The following OSBPL3 variants were observed in gnomAD, a reference collection of about 807,000 sequenced individuals.
OSBPL3 encodes the protein oxysterol binding protein like 3, also known as oxysterol-binding protein-related protein 3.
In OSBPL3, 65 loss-of-function variants were observed where a neutral mutation model predicts 120.1. The ratio of observed to expected loss-of-function variants is 0.54; its 90% CI spans 0.44 to 0.67. OSBPL3 has a LOEUF of 0.67. OSBPL3 is among the 30% of genes least tolerant of loss of function. The probability of loss-of-function intolerance (pLI) is 0.00; values close to 1 mark genes in which losing one functional copy is unlikely to be tolerated. For synonymous variants in OSBPL3, 416 were observed against 402.6 expected, an observed-to-expected ratio of 1.03 and a Z score of -0.40; for missense variants, 1,004 against 1,082.1, an observed-to-expected ratio of 0.93 and a Z score of 1.01.
At position 24,845,384 on chromosome 7, in the gene OSBPL3, T is replaced by TAAAAAAA. The variant is rs34559902; in HGVS notation, c.1267-2978_1267-2972dup. 1.9e-3 allele frequency among the ~76,000 whole-genome samples: 120 copies of TAAAAAAA among 62,268 alleles called. 1 individual carries two copies. The highest frequency in any genetic ancestry group is 0.025 in the Middle Eastern group (1 of 40). The allele number at this position is 62,268 out of a possible 152,430, so 40.9% of individuals were successfully genotyped here. A position where few individuals can be genotyped will look rare whatever the true frequency, so the allele number is the denominator to read the frequency against. ...GAATTTACAAATATTGCAAAATAAG[T>TAAAAAAA]AAAAAAAAAAAAAAAAAAAAAAAAA... On this transcript the variant is annotated intron_variant, in intron 12 of 22. Transcript: ENST00000313367.
In OSBPL3 at chr7:24,892,454, T is replaced by C; in HGVS notation, c.19A>G (p.Asn7Asp). The change falls in exon 2 of 23, where the codon AAC becomes GAC. Residue 7 changes from asparagine to aspartate, a missense_variant. By Grantham distance (23) the Asn-to-Asp change is conservative (BLOSUM62 1). This residue lies in a region of OSBPL3 where 255 missense variants were observed against 248.7 expected (regional missense o/e 1.03). Transcript: ENST00000313367. MMSDEK[N>D]LGVSQKLVSP... ...ACCAATTTTTGGGACACACCAAGGT[T>C]CTTCTCATCACTCATCATGGACAGC... 6.2e-7 allele frequency: 1 copy of C among 1,613,540 alleles called. No individual in the cohort carries two copies.
At position 24,965,105 on chromosome 7, in the gene OSBPL3, A is replaced by G. The variant is rs186218334; in HGVS notation, c.-150+14781T>C. Among the ~76,000 whole-genome samples, 336 of 152,368 alleles carry G rather than the reference A, an allele frequency of 2.2e-3. 1 individual carries two copies. The highest frequency in any genetic ancestry group is 7.5e-3 in the African/African-American group (314 of 41,590). On this transcript the variant is annotated intron_variant, in intron 1 of 22. Transcript: ENST00000313367. This position sits in a 1 kb window ranked among gnomAD's most constrained non-coding sequence, Gnocchi z 4.3. ...AAACCATTCATTCATTTATTCAACA[A>G]TAAGTATGTGCTCTGTATTATGTCT...
chr7:24,950,224 G>A (rs911166755), intron 1 of OSBPL3, among the ~76,000 whole-genome samples: 5 of 152,098 alleles, frequency 3.3e-5, no homozygotes, highest in African/African-American at 7.2e-5. Context: ...ATCCATCCAC[G>A]TTGACATGTG....
intron 1 of OSBPL3, among the ~76,000 whole-genome samples, chr7:24,958,913 G>A (rs1398402482): frequency 1.3e-5 from 2 of 152,082 alleles, no homozygotes; most frequent in African/African-American, 2.4e-5. Flanking sequence ...TTTTCTCTAA[G>A]TTTTTTGTTT....
At chr7:24,893,692 A>G (rs912484949) in intron 1 of OSBPL3, among the ~76,000 whole-genome samples, 2 of 137,210 alleles carry the variant, frequency 1.5e-5, no homozygotes, top group African/African-American at 5.4e-5. Flanking sequence ...GGTGCCTGTA[A>G]TCCCAGCTAC....
rs2128521931 is a variant in OSBPL3, at chr7:24,964,151, C to G, written c.-150+15735G>C. ...AACAAATGGAGAAGAAGAAACAAATCCGACTCACAGAAGAATGTCAAATAA... is the reference window on the plus strand; with the variant it reads ...AACAAATGGAGAAGAAGAAACAAATGCGACTCACAGAAGAATGTCAAATAA... On this transcript the variant is annotated intron_variant, in intron 1 of 22. Coordinates refer to ENST00000313367, the MANE Select transcript of OSBPL3 (RefSeq NM_015550.4). This position sits in a 1 kb window ranked among gnomAD's most constrained non-coding sequence, Gnocchi z 4.2. Among the ~76,000 whole-genome samples the G allele has an allele frequency of 6.6e-6, 1 of 152,206 alleles. No individual in the cohort carries two copies. Among genetic ancestry groups the G allele is most frequent in the South Asian group, 2.1e-4 (1 of 4,812 alleles).
rs575520342 is a variant in OSBPL3 at position 24,866,393 on chromosome 7, T to C, written c.382-156A>G. On this transcript the variant is annotated intron_variant, in intron 5 of 22. Transcript: ENST00000313367. ...TGGCTGATGCCTGTAATTCCAGCAA[T>C]TTGGAAGGCCACGGAGGGAGGACCA... is the stretch of plus-strand genomic sequence containing the variant. Among the ~76,000 whole-genome samples, 260 of 152,254 alleles carry C rather than the reference T, an allele frequency of 1.7e-3. 1 individual carries two copies. The highest frequency in any genetic ancestry group is 3.0e-3 in the Non-Finnish European group (207 of 68,012).
At position 24,900,019 on chromosome 7, in the gene OSBPL3, G is replaced by A. The variant is rs1806756002; in HGVS notation, c.-149-7398C>T. ...CTTCTATTTGTGTATGTGTGACGTG[G>A]CAGAGGGTAGGAAGCTAAAACCCTC... On this transcript the variant is annotated intron_variant, in intron 1 of 22. Transcript: ENST00000313367. This position sits in a 1 kb window ranked among gnomAD's most constrained non-coding sequence, Gnocchi z 4.5. 6.6e-6 allele frequency among the ~76,000 whole-genome samples: 1 copy of A among 152,174 alleles called. No homozygotes were observed. Among genetic ancestry groups the A allele is most frequent in the Non-Finnish European group, 1.5e-5 (1 of 68,028 alleles).
At chr7:24,920,066 CT>C (rs1029058599) in intron 1 of OSBPL3, among the ~76,000 whole-genome samples, 6 of 152,056 alleles carry the variant, frequency 3.9e-5, no homozygotes, top group Non-Finnish European at 7.4e-5. Context: ...GGAATGCAAA[CT>C]TTGGAAAACC....
rs749819791 is a variant in OSBPL3 at position 24,940,533 on chromosome 7, G to A, written c.-150+39353C>T. On this transcript the variant is annotated intron_variant, in intron 1 of 22. Transcript: ENST00000313367. The surrounding 1 kb of genome is among the most constrained non-coding windows in gnomAD (Gnocchi z 4.4). ...AGAAAAGGTTTAGTGAGAGAAAGCA[G>A]ATGGGAAAGACAGGGGCCGTGATGG... Among the ~76,000 whole-genome samples, 15 of 152,152 alleles carry A rather than the reference G, an allele frequency of 9.9e-5. No homozygotes were observed. The highest frequency in any genetic ancestry group is 2.0e-4 in the Admixed American group (3 of 15,260).
At position 24,872,396 on chromosome 7, in the gene OSBPL3, C is replaced by T. The variant is rs563926397; in HGVS notation, c.97-327G>A. ...TTTTGTTCAGTTTGACATTACCATGCAATTACTGTTCGTTCAGCACTAGAC... is the reference window on the plus strand; with the variant it reads ...TTTTGTTCAGTTTGACATTACCATGTAATTACTGTTCGTTCAGCACTAGAC... On this transcript the variant is annotated intron_variant, in intron 2 of 22. Coordinates refer to ENST00000313367, the MANE Select transcript of OSBPL3 (RefSeq NM_015550.4). The surrounding 1 kb of genome is among the most constrained non-coding windows in gnomAD (Gnocchi z 4.1). 6.6e-6 allele frequency among the ~76,000 whole-genome samples: 1 copy of T among 150,782 alleles called. No homozygotes were observed. Among genetic ancestry groups the T allele is most frequent in the South Asian group, 2.1e-4 (1 of 4,788 alleles).
rs142720310 is a variant in OSBPL3 at position 24,938,779 on chromosome 7, A to ATG, written c.-150+41105_-150+41106dup. The stretch of plus-strand genomic sequence containing the variant: ...AACTGAATAATGAGGTTTTGTTTTG[A>ATG]TGTGTGTGTGTGTGTGTGTGTGTGT... On this transcript the variant is annotated intron_variant, in intron 1 of 22. Coordinates refer to ENST00000313367, the MANE Select transcript of OSBPL3 (RefSeq NM_015550.4). The surrounding 1 kb of genome is among the most constrained non-coding windows in gnomAD (Gnocchi z 5.8). Among the ~76,000 whole-genome samples the ATG allele has an allele frequency of 9.9e-3, 930 of 94,154 alleles. 9 individuals are homozygous for ATG. Among genetic ancestry groups the ATG allele is most frequent in the Non-Finnish European group, 0.013 (598 of 45,062 alleles). 61.8% of individuals were successfully genotyped at this position (94,154 alleles called of 152,430 possible).
rs1210517720 is a variant in OSBPL3 at position 24,797,432 on chromosome 7, C to T, written c.*2751G>A. The T allele has an allele frequency of 2.0e-5, 3 of 152,174 alleles. No individual in the cohort carries two copies. Among genetic ancestry groups the T allele is most frequent in the Admixed American group, 6.5e-5 (1 of 15,276 alleles). 9.4% of individuals were successfully genotyped at this position (152,174 alleles called of 1,614,324 possible). ...TGAACTCCCATCTCTTTAGTTAGGA[C>T]CAGAATCCACCTGGCTTGTAGGAGA... On this transcript the variant is annotated 3_prime_UTR_variant, in exon 23 of 23. Coordinates refer to ENST00000313367, the MANE Select transcript of OSBPL3 (RefSeq NM_015550.4). The surrounding 1 kb of genome is among the most constrained non-coding windows in gnomAD (Gnocchi z 4.8).
intron 16 of OSBPL3, among the ~76,000 whole-genome samples, chr7:24,825,065 C>G (rs1292524671): frequency 6.6e-6 from 1 of 152,144 alleles, no homozygotes. Context: ...ATGGCCAGGA[C>G]TTTGGATTTT....
chr7:24,925,470 T>C (rs1199367636), intron 1 of OSBPL3, among the ~76,000 whole-genome samples: 1 of 152,186 alleles, frequency 6.6e-6, no homozygotes, highest in Non-Finnish European at 1.5e-5. Flanking sequence ...GGTTCTTATT[T>C]AATAATAAAA....
In OSBPL3 at chr7:24,877,255, A is replaced by C. The variant is rs568406704; in HGVS notation, c.97-5186T>G. ...GACCTTGAGACAATTGGAAGGAGTT[A>C]AGAAACAGTGCAGTATGGATGGAGG... On this transcript the variant is annotated intron_variant, in intron 2 of 22. Coordinates refer to ENST00000313367, the MANE Select transcript of OSBPL3 (RefSeq NM_015550.4). The surrounding 1 kb of genome is among the most constrained non-coding windows in gnomAD (Gnocchi z 4.8). Among the ~76,000 whole-genome samples, 518 of 152,294 alleles carry C rather than the reference A, an allele frequency of 3.4e-3. 2 individuals are homozygous for C. The highest frequency in any genetic ancestry group is 5.7e-3 in the Non-Finnish European group (390 of 68,010).
chr7:24,836,175 G>A (rs1159635018), intron 14 of OSBPL3, among the ~76,000 whole-genome samples: 1 of 152,154 alleles, frequency 6.6e-6, no homozygotes, highest in African/African-American at 2.4e-5. Context: ...TCTGAATGTT[G>A]TTAGACTTCT....
intron 9 of OSBPL3, 115 bp from the exon 10 acceptor site, chr7:24,861,884 C>CT (rs11324094): frequency 0.015 from 4,631 of 299,562 alleles, 2 homozygotes; most frequent in Non-Finnish European, 0.02. Flanking sequence ...ATAGGTAGGT[C>CT]TTTTTTTTTT....
At position 24,798,627 on chromosome 7, in the gene OSBPL3, C is replaced by G. The variant is rs978060583; in HGVS notation, c.*1556G>C. 2 of 152,226 alleles carry G rather than the reference C, an allele frequency of 1.3e-5. No homozygotes were observed. Among genetic ancestry groups the G allele is most frequent in the African/African-American group, 4.8e-5 (2 of 41,456 alleles). The allele number at this position is 152,226 out of a possible 1,614,324, so 9.4% of individuals were successfully genotyped here. A position where few individuals can be genotyped will look rare whatever the true frequency, so the allele number is the denominator to read the frequency against. ...CTACACATCCACTTTAAATAACTCT[C>G]CATTTTGAAAATGCAATATTGTCCA... On this transcript the variant is annotated 3_prime_UTR_variant, in exon 23 of 23. Coordinates refer to ENST00000313367, the MANE Select transcript of OSBPL3 (RefSeq NM_015550.4). This position sits in a 1 kb window ranked among gnomAD's most constrained non-coding sequence, Gnocchi z 4.6.
Sources: allele counts gnomAD v4.1 joint callset (sites outside exome capture counted in the v4.1 genomes callset), GRCh38; gene constraint gnomAD v4.1.1; regional missense constraint gnomAD v4.1.1; non-coding constraint Gnocchi (gnomAD v3.1); transcripts MANE v1.5; gene names NCBI Gene and HGNC (gene_info 2026-07-23, HGNC 2026-07-21).